INPP5D: variants seen among roughly 807,000 people sequenced by gnomAD.
INPP5D encodes phosphatidylinositol 3,4,5-trisphosphate 5-phosphatase 1.
In INPP5D, 33 loss-of-function variants were observed where a neutral mutation model predicts 122.9. That is an observed-to-expected ratio of 0.27 (90% CI 0.20 to 0.36). The LOEUF (loss-of-function observed/expected upper bound fraction) is 0.36, where lower values mean the gene tolerates loss of function less well. Among genes scored for constraint, INPP5D ranks in the 10% least tolerant of loss-of-function variants. INPP5D has a pLI of 1.00. For synonymous variants in INPP5D, 584 were observed against 576.2 expected (o/e 1.01, Z -0.19); for missense variants, 1,053 against 1,412.7 (o/e 0.75, Z 4.08).
chr2:233,097,240 G>A (rs1209625831), intron 2 of INPP5D, among the ~76,000 whole-genome samples: 2 of 152,072 alleles, frequency 1.3e-5, no homozygotes, highest in Non-Finnish European at 2.9e-5. Context: ...GTTTAATCGA[G>A]GTGGCTTTCT....
chr2:233,077,883 T>C (rs1453904100), intron 1 of INPP5D, among the ~76,000 whole-genome samples: 1 of 150,660 alleles, frequency 6.6e-6, no homozygotes, highest in Non-Finnish European at 1.5e-5. Context: ...AAAAATCTAG[T>C]TAAACAAAAC....
rs1180600336 is a variant in INPP5D, at chr2:233,121,097, ATT to A, written c.199-1008_199-1007del. On this transcript the variant is annotated intron_variant, in intron 2 of 26. Coordinates refer to ENST00000445964, the MANE Select transcript of INPP5D (RefSeq NM_001017915.3). The stretch of plus-strand genomic sequence containing the variant: ...TCTTGGGGTTGTGGGATTACAGGTG[ATT>A]TCTTTCTTTCTTTCTTTCTTTCTTT... Among the ~76,000 whole-genome samples the A allele has an allele frequency of 3.7e-5, 5 of 134,206 alleles. No homozygotes were observed. The East Asian group carries it at 8.4e-4, about 22-fold the overall frequency. 88.0% of individuals were successfully genotyped at this position (134,206 alleles called of 152,430 possible).
intron 1 of INPP5D, among the ~76,000 whole-genome samples, chr2:233,063,177 C>A (rs1037664068): frequency 1.3e-5 from 2 of 152,160 alleles, no homozygotes; most frequent in Non-Finnish European, 2.9e-5. Context: ...GCAGGCTTTG[C>A]CCCCCTAGCC....
intron 3 of INPP5D, among the ~76,000 whole-genome samples, chr2:233,124,339 G>A (rs575394320): frequency 2.0e-5 from 3 of 152,168 alleles, no homozygotes; most frequent in Admixed American, 6.5e-5. Flanking sequence ...TCCCTCACCT[G>A]TGGGCTGGCT....
In INPP5D at chr2:233,193,800, C is replaced by A; in HGVS notation, c.2447-12C>A. On this transcript the variant is annotated splice_polypyrimidine_tract_variant and intron_variant, in intron 22 of 26. Coordinates refer to ENST00000445964, the MANE Select transcript of INPP5D (RefSeq NM_001017915.3). ...AGGGTCTTCACCCAGCTGTCTCCCA[C>A]TTTCCCTGCAGGCGAGGGCTGCATT... The A allele has an allele frequency of 6.2e-7, 1 of 1,613,912 alleles. No homozygotes were observed. The highest frequency in any genetic ancestry group is 8.5e-7 in the Non-Finnish European group (1 of 1,179,898).
At chr2:233,111,881 C>T (rs189447308) in intron 2 of INPP5D, among the ~76,000 whole-genome samples, 1 of 152,030 alleles carries the variant, frequency 6.6e-6, no homozygotes, top group African/African-American at 2.4e-5. Flanking sequence ...GGCAACATGG[C>T]AAAATTCCGC....
At chr2:233,121,249 G>T (rs1463871917) in intron 2 of INPP5D, among the ~76,000 whole-genome samples, 6 of 146,858 alleles carry the variant, frequency 4.1e-5, no homozygotes, top group African/African-American at 1.5e-4. Context: ...CTCTTGCCTC[G>T]CCCTCCCAAG....
intron 4 of INPP5D, among the ~76,000 whole-genome samples, chr2:233,129,285 T>C (rs1398352503): frequency 6.6e-6 from 1 of 152,218 alleles, no homozygotes. Flanking sequence ...AGTAATAATA[T>C]CTGAGTCATA....
chr2:233,145,123 C>A (rs1574762408), intron 6 of INPP5D: 1 of 423,406 alleles, frequency 2.4e-6, no homozygotes, highest in East Asian at 7.0e-5. Flanking sequence ...AATAAGGTAT[C>A]TTATTAACTC....
intron 5 of INPP5D, among the ~76,000 whole-genome samples, chr2:233,135,520 GA>G (rs1330926784): frequency 1.3e-5 from 2 of 151,930 alleles, no homozygotes; most frequent in South Asian, 2.1e-4. Context: ...TAAATGACAA[GA>G]AAAGATAAAT....
intron 2 of INPP5D, among the ~76,000 whole-genome samples, chr2:233,106,999 A>G (rs188111429): frequency 6.6e-6 from 1 of 152,294 alleles, no homozygotes; most frequent in Admixed American, 6.5e-5. Flanking sequence ...AGCTGCTTGA[A>G]TCTTCAAGGA....
At chr2:233,182,275 G>C in intron 18 of INPP5D, 135 bp from the exon 19 acceptor site, 3 of 1,292,436 alleles carry the variant, frequency 2.3e-6, no homozygotes, top group Non-Finnish European at 3.1e-6. Flanking sequence ...TGCTGTGGAA[G>C]GACAACAGGT....
chr2:233,146,358 T>C lies in INPP5D; in HGVS notation c.835-9T>C, dbSNP rs36189208. The C allele has an allele frequency of 0.57, 400,951 of 704,090 alleles. 120,242 individuals are homozygous for C. The highest frequency in any genetic ancestry group is 0.96 in the East Asian group (35,901 of 37,416). 43.6% of individuals were successfully genotyped at this position (704,090 alleles called of 1,614,324 possible). A position where few individuals can be genotyped will look rare whatever the true frequency, so the allele number is the denominator to read the frequency against. ...CTTGACCCTCTGTCTCTAACGCTGC[T>C]GCCCACAGGTCAAGGCCTTGCTGCA... On this transcript the variant is annotated splice_polypyrimidine_tract_variant and intron_variant, in intron 7 of 26. Coordinates refer to ENST00000445964, the MANE Select transcript of INPP5D (RefSeq NM_001017915.3).
At chr2:233,083,865 C>A (rs1408545781) in intron 2 of INPP5D, among the ~76,000 whole-genome samples, 3 of 152,208 alleles carry the variant, frequency 2.0e-5, no homozygotes, top group East Asian at 3.8e-4. Flanking sequence ...ACCCTACAAC[C>A]TTTTGGCCCT....
At chr2:233,184,265 C>T in intron 19 of INPP5D, 143 bp from the exon 20 acceptor site, 1 of 1,226,834 alleles carries the variant, frequency 8.2e-7, no homozygotes, top group South Asian at 1.6e-5. Context: ...CTGGATTTCG[C>T]TGTAGCTTTA....
intron 9 of INPP5D, among the ~76,000 whole-genome samples, chr2:233,156,419 G>A (rs1046353347): frequency 6.6e-6 from 1 of 152,144 alleles, no homozygotes; most frequent in African/African-American, 2.4e-5. Context: ...CCTCCTGAGT[G>A]GCTGGGACTA....
chr2:233,138,028 G>GAGATTATATTATATTAATAATGTAATA (rs1693539636), intron 5 of INPP5D, among the ~76,000 whole-genome samples: 8 of 146,202 alleles, frequency 5.5e-5, no homozygotes, highest in Non-Finnish European at 7.5e-5. Context: ...ATAATGTAAT[G>GAGATTATATTATATTAATAATGTAATA]AGAAAAAAAT....
In INPP5D at chr2:233,160,244, T is replaced by A. The variant is rs1694167791; in HGVS notation, c.1138-1480T>A. On this transcript the variant is annotated intron_variant, in intron 10 of 26. Transcript: ENST00000445964. This position sits in a 1 kb window ranked among gnomAD's most constrained non-coding sequence, Gnocchi z 4.2. ...ATGTAAAATTTCTGTCTTTGCAGGT[T>A]GAAACAGTCAAACACTGGTCATGTC... Among the ~76,000 whole-genome samples, 1 of 152,248 alleles carries A rather than the reference T, an allele frequency of 6.6e-6. No individual in the cohort carries two copies. The highest frequency in any genetic ancestry group is 1.5e-5 in the Non-Finnish European group (1 of 68,042).
At chr2:233,106,303 T>A (rs779738322) in intron 2 of INPP5D, among the ~76,000 whole-genome samples, 5 of 152,194 alleles carry the variant, frequency 3.3e-5, no homozygotes, top group Non-Finnish European at 7.3e-5. Flanking sequence ...TTTCTAATCA[T>A]GTCCAGGTCT....
Sources: gnomAD v4.1 joint callset for allele counts (sites outside exome capture counted in the v4.1 genomes callset) on GRCh38, gnomAD v4.1.1 for gene constraint, Gnocchi (gnomAD v3.1) non-coding constraint, MANE v1.5 for transcripts, NCBI Gene and HGNC (gene_info 2026-07-23, HGNC 2026-07-21) for gene names.